Variants in GALNTL6 observed in about 807,000 individuals in gnomAD.
GALNTL6 encodes the protein polypeptide N-acetylgalactosaminyltransferase like 6.
GALNTL6 carries 46 observed loss-of-function variants against 73.7 expected under a neutral mutation model. The observed-to-expected ratio is 0.62, with a 90% confidence interval of 0.49 to 0.80. GALNTL6 has a LOEUF of 0.80. Ranked by LOEUF, GALNTL6 falls within the 30% of genes least tolerant of loss-of-function variation. The pLI is 0.00. For missense variants in GALNTL6, 604 were observed against 755.0 expected (o/e 0.80, Z 2.34); for synonymous variants, 259 against 263.7 (o/e 0.98, Z 0.17).
At chr4:171,891,201 A>C (rs1434599553) in intron 2 of GALNTL6, among the ~76,000 whole-genome samples, 1 of 152,206 alleles carries the variant, frequency 6.6e-6, no homozygotes, top group Non-Finnish European at 1.5e-5. Context: ...GAGTGAAGTC[A>C]TTGTGAAACT....
At chr4:172,784,311 T>C (rs973282514) in intron 5 of GALNTL6, among the ~76,000 whole-genome samples, 1 of 152,096 alleles carries the variant, frequency 6.6e-6, no homozygotes, top group Admixed American at 6.6e-5. Flanking sequence ...AAGCACAACA[T>C]TATTTTGAAT....
intron 5 of GALNTL6, among the ~76,000 whole-genome samples, chr4:172,613,724 A>G (rs1050480194): frequency 1.3e-5 from 2 of 152,188 alleles, no homozygotes; most frequent in East Asian, 3.8e-4. Context: ...ATACTTAAAC[A>G]TTATGCTGAA....
chr4:172,900,304 T>G (rs546817506), intron 8 of GALNTL6, among the ~76,000 whole-genome samples: 2 of 152,290 alleles, frequency 1.3e-5, no homozygotes, highest in Non-Finnish European at 2.9e-5. Flanking sequence ...TCAAATAAAT[T>G]ACCCAACGTC....
intron 2 of GALNTL6, among the ~76,000 whole-genome samples, chr4:172,209,903 A>T (rs1286666872): frequency 6.6e-6 from 1 of 152,126 alleles, no homozygotes; most frequent in Non-Finnish European, 1.5e-5. Flanking sequence ...AAATAAAAAT[A>T]ATTAAAATGA....
intron 5 of GALNTL6, among the ~76,000 whole-genome samples, chr4:172,635,551 T>A (rs1309205835): frequency 1.3e-5 from 2 of 152,160 alleles, no homozygotes; most frequent in Non-Finnish European, 2.9e-5. Flanking sequence ...TGAAAAGAGC[T>A]ATCATACCTT....
intron 2 of GALNTL6, among the ~76,000 whole-genome samples, chr4:172,113,097 C>A (rs999350034): frequency 6.6e-6 from 1 of 151,122 alleles, no homozygotes; most frequent in Admixed American, 6.6e-5. Context: ...TGTTAAGGGT[C>A]TTAGCATTTT....
chr4:171,883,738 C>T (rs1736526877), intron 2 of GALNTL6, among the ~76,000 whole-genome samples: 1 of 151,776 alleles, frequency 6.6e-6, no homozygotes, highest in Non-Finnish European at 1.5e-5. Flanking sequence ...AGCTCCGCCT[C>T]CCGGGTTCAC....
chr4:172,571,075 C>A (rs969671386), intron 5 of GALNTL6, among the ~76,000 whole-genome samples: 5 of 152,328 alleles, frequency 3.3e-5, no homozygotes, highest in Non-Finnish European at 7.3e-5. Flanking sequence ...GCTTACCCCC[C>A]AGTGCGTGGC....
intron 5 of GALNTL6, among the ~76,000 whole-genome samples, chr4:172,746,303 A>G (rs1388078771): frequency 9.1e-6 from 1 of 110,056 alleles, no homozygotes; most frequent in African/African-American, 4.5e-5. Flanking sequence ...CCTGGTGTAT[A>G]GTAGTTGTTA....
intron 2 of GALNTL6, among the ~76,000 whole-genome samples, chr4:172,055,350 C>T (rs1316555352): frequency 6.6e-6 from 1 of 152,136 alleles, no homozygotes; most frequent in Non-Finnish European, 1.5e-5. Context: ...AAAAACTCTC[C>T]TAATGCTTCA....
intron 5 of GALNTL6, among the ~76,000 whole-genome samples, chr4:172,481,893 C>T (rs962302591): frequency 1.3e-5 from 2 of 152,224 alleles, no homozygotes; most frequent in African/African-American, 2.4e-5. Context: ...CTGCACTCCT[C>T]AGCCCTTGGG....
At chr4:172,365,402 G>T (rs6829116) in intron 5 of GALNTL6, among the ~76,000 whole-genome samples, 3,050 of 152,206 alleles carry the variant, frequency 0.02, 100 homozygotes, top group African/African-American at 0.068. Context: ...TTAGCCATTA[G>T]GCTGATGCCC....
intron 5 of GALNTL6, among the ~76,000 whole-genome samples, chr4:172,497,059 A>G (rs534473962): frequency 6.6e-6 from 1 of 152,328 alleles, no homozygotes; most frequent in East Asian, 1.9e-4. Context: ...GTGCCTTTCA[A>G]TCAGTCTAAA....
At chr4:172,818,155 G>T (rs1486332990) in intron 7 of GALNTL6, among the ~76,000 whole-genome samples, 1 of 152,144 alleles carries the variant, frequency 6.6e-6, no homozygotes, top group Non-Finnish European at 1.5e-5. Context: ...TCTCCAACTT[G>T]TCTCCAAGGG....
chr4:172,893,179 G>C (rs1746130772), intron 8 of GALNTL6, among the ~76,000 whole-genome samples: 1 of 152,192 alleles, frequency 6.6e-6, no homozygotes, highest in African/African-American at 2.4e-5. Flanking sequence ...TGCCAAGATT[G>C]CTGGGCAGTT....
chr4:172,217,205 A>G (rs1736523355), intron 2 of GALNTL6, among the ~76,000 whole-genome samples: 1 of 152,182 alleles, frequency 6.6e-6, no homozygotes, highest in African/African-American at 2.4e-5. Context: ...TAGCAATGTT[A>G]ATAGAGACTC....
chr4:171,982,078 T>G (rs2111081060), intron 2 of GALNTL6, among the ~76,000 whole-genome samples: 1 of 152,278 alleles, frequency 6.6e-6, no homozygotes, highest in African/African-American at 2.4e-5. Context: ...TATATGCTAA[T>G]TTTAGTTTCC....
At chr4:172,228,824 A>G (rs1736955156) in intron 2 of GALNTL6, among the ~76,000 whole-genome samples, 1 of 152,260 alleles carries the variant, frequency 6.6e-6, no homozygotes, top group African/African-American at 2.4e-5. Context: ...AATAAACATC[A>G]TAAAAAAGAA....
intron 4 of GALNTL6, among the ~76,000 whole-genome samples, chr4:172,347,605 A>G (rs1004505999): frequency 6.6e-6 from 1 of 152,154 alleles, no homozygotes; most frequent in African/African-American, 2.4e-5. Context: ...TAAGCAAAAC[A>G]TCTATCTTAC....
Sources: gnomAD v4.1 joint callset for allele counts (sites outside exome capture counted in the v4.1 genomes callset) on GRCh38, gnomAD v4.1.1 for gene constraint, MANE v1.5 for transcripts, NCBI Gene and HGNC (gene_info 2026-07-23, HGNC 2026-07-21) for gene names.